ME2: variants seen among roughly 807,000 people sequenced by gnomAD.
ME2 encodes NAD-dependent malic enzyme, mitochondrial.
Under a neutral mutation model 73.7 loss-of-function variants are expected in ME2, and 60 were observed. The ratio of observed to expected loss-of-function variants is 0.81; its 90% CI spans 0.66 to 1.01. The LOEUF (loss-of-function observed/expected upper bound fraction) is 1.01. Ranked by LOEUF, ME2 falls within the 50% of genes least tolerant of loss-of-function variation. The probability of loss-of-function intolerance (pLI) is 0.00; values close to 1 mark genes in which losing one functional copy is unlikely to be tolerated. For synonymous variants in ME2, 199 were observed against 236.9 expected (o/e 0.84, Z 1.47); for missense variants, 594 against 705.5 (o/e 0.84, Z 1.79).
rs1476906821 is a variant in ME2 at position 50,952,458 on chromosome 18, A to C, written c.*5274A>C. ...TCTCAAAGAGAAAAGTAAATATGGA[A>C]ATATGTTCATAGTTCAGTTGCATAA... On this transcript the variant is annotated 3_prime_UTR_variant, in exon 16 of 16. Coordinates refer to ENST00000321341, the MANE Select transcript of ME2 (RefSeq NM_002396.5). The C allele has an allele frequency of 1.3e-5, 2 of 152,230 alleles. No homozygotes were observed. Among genetic ancestry groups the C allele is most frequent in the Non-Finnish European group, 2.9e-5 (2 of 68,038 alleles). The allele number at this position is 152,230 out of a possible 1,614,324, so 9.4% of individuals were successfully genotyped here.
In ME2 at chr18:50,924,220, A is replaced by G. The variant is rs774235136; in HGVS notation, c.1171+8A>G. The G allele has an allele frequency of 6.4e-7, 1 of 1,556,598 alleles. No individual in the cohort carries two copies. On this transcript the variant is annotated splice_region_variant and intron_variant, in intron 11 of 15. Coordinates refer to ENST00000321341, the MANE Select transcript of ME2 (RefSeq NM_002396.5). ...AGCCTTCAACTATAATTGGTAGGTA[A>G]AGTTTTTCTGATAAATAATTTTACT...
chr18:50,928,220 T>C (rs1917608845), intron 12 of ME2, among the ~76,000 whole-genome samples: 1 of 151,866 alleles, frequency 6.6e-6, no homozygotes, highest in African/African-American at 2.4e-5. Flanking sequence ...TTATCAGGTT[T>C]GTTTGTAAGG....
chr18:50,947,362 A>G lies in ME2; in HGVS notation c.*178A>G, dbSNP rs1165188054. ...TGGGGTAGACGTGTTGATTGATTGC[A>G]TTGCCCACCAGCACCCTACAGTCAG... On this transcript the variant is annotated 3_prime_UTR_variant, in exon 16 of 16. Transcript: ENST00000321341. 5.0e-6 allele frequency: 3 copies of G among 594,798 alleles called. No individual in the cohort carries two copies. Among genetic ancestry groups the G allele is most frequent in the African/African-American group, 1.9e-5 (1 of 53,738 alleles). 36.8% of individuals were successfully genotyped at this position (594,798 alleles called of 1,614,324 possible). A position where few individuals can be genotyped will look rare whatever the true frequency, so the allele number is the denominator to read the frequency against.
chr18:50,925,937 C>T (rs1397266), intron 12 of ME2, 39 bp downstream of exon 12: 87,276 of 1,425,626 alleles, frequency 0.061, 3,078 homozygotes, highest in Non-Finnish European at 0.072. Flanking sequence ...ATATTATTTT[C>T]CCTCCACTAG....
chr18:50,910,057 T>G (rs1364573676), intron 3 of ME2, among the ~76,000 whole-genome samples: 1 of 151,768 alleles, frequency 6.6e-6, no homozygotes, highest in Non-Finnish European at 1.5e-5. Flanking sequence ...AAGTCATCGC[T>G]CAGATTTAGA....
intron 9 of ME2, 131 bp from the exon 10 acceptor site, chr18:50,920,940 CGAA>C (rs1568169260): frequency 8.7e-6 from 6 of 688,528 alleles, no homozygotes; most frequent in Non-Finnish European, 1.4e-5. Flanking sequence ...GAGAATATCA[CGAA>C]GAATTTTTGT....
chr18:50,928,485 G>A (rs1917617851), intron 12 of ME2, among the ~76,000 whole-genome samples: 1 of 151,868 alleles, frequency 6.6e-6, no homozygotes, highest in African/African-American at 2.4e-5. Context: ...TGATCCGCCC[G>A]CCTCGGCCTC....
At position 50,946,963 on chromosome 18, in the gene ME2, C is replaced by G. The variant is rs199603735; in HGVS notation, c.1588-54C>G. ...TTCCTGTGTTATAATAGTACGTTGT[C>G]TCTCTAATAGGTTAATACTCAGAGC... On this transcript the variant is annotated intron_variant, in intron 15 of 15. Transcript: ENST00000321341. 3,655 of 1,281,580 alleles carry G rather than the reference C, an allele frequency of 2.9e-3. 8 individuals carry two copies. The highest frequency in any genetic ancestry group is 3.5e-3 in the Non-Finnish European group (3,141 of 898,848). 79.4% of individuals were successfully genotyped at this position (1,281,580 alleles called of 1,614,324 possible).
chr18:50,924,198 C>A lies in ME2; in HGVS notation c.1157C>A (p.Pro386His). The A allele has an allele frequency of 6.2e-7, 1 of 1,604,678 alleles. No homozygotes were observed. The highest frequency in any genetic ancestry group is 1.1e-5 in the South Asian group (1 of 89,200). ...GAAGATGCAGTGAATATACTGAAGC[C>A]TTCAACTATAATTGGTAGGTAAAGT... ...TFEDAVNILK[P>H]STIIGVAGAG... Residue 386 changes from proline (P) to histidine (H), a missense_variant, in exon 11 of 16, where the codon CCT becomes CAT. Pro to His is a moderately conservative substitution (Grantham distance 77). Transcript: ENST00000321341.
At position 50,894,289 on chromosome 18, in the gene ME2, C is replaced by T. The variant is rs117695945; in HGVS notation, c.-12-1520C>T. Among the ~76,000 whole-genome samples, 314 of 151,848 alleles carry T rather than the reference C, an allele frequency of 2.1e-3. 7 individuals carry two copies. The East Asian group carries it at 0.053, about 26-fold the overall frequency. On this transcript the variant is annotated intron_variant, in intron 1 of 15. Coordinates refer to ENST00000321341, the MANE Select transcript of ME2 (RefSeq NM_002396.5). ...TTTAAAACATCCCTTTTTGGCCGGG[C>T]GCGGTGGCCCACGCCTGTAATCTCA... is the stretch of plus-strand genomic sequence containing the variant.
chr18:50,922,564 A>G (rs569496267), intron 10 of ME2, among the ~76,000 whole-genome samples: 68 of 152,314 alleles, frequency 4.5e-4, no homozygotes, highest in African/African-American at 1.6e-3. Flanking sequence ...TCTTTTTGTA[A>G]TGTTGGTTTT....
Position 50,924,198 on chromosome 18 carries a change from C to T in ME2, c.1157C>T (p.Pro386Leu). Reference protein sequence around the residue: ...TFEDAVNILKPSTIIGVAGAG... With the variant: ...TFEDAVNILKLSTIIGVAGAG... Reference sequence around the variant, plus strand: ...GAAGATGCAGTGAATATACTGAAGCCTTCAACTATAATTGGTAGGTAAAGT... The same window carrying T: ...GAAGATGCAGTGAATATACTGAAGCTTTCAACTATAATTGGTAGGTAAAGT... The change falls in exon 11 of 16, where the codon CCT becomes CTT. Residue 386 changes from proline to leucine, a missense_variant. Pro to Leu is a moderately conservative substitution (Grantham distance 98, BLOSUM62 -3). Coordinates refer to ENST00000321341, the MANE Select transcript of ME2 (RefSeq NM_002396.5). 7.5e-6 allele frequency: 12 copies of T among 1,604,678 alleles called. No homozygotes were observed. Among genetic ancestry groups the T allele is most frequent in the Non-Finnish European group, 1.0e-5 (12 of 1,174,876 alleles).
chr18:50,929,099 C>T (rs1201767904), intron 12 of ME2, among the ~76,000 whole-genome samples: 1 of 151,612 alleles, frequency 6.6e-6, no homozygotes, highest in Non-Finnish European at 1.5e-5. Context: ...AAAATCATTG[C>T]CAAAGCAGAA....
At chr18:50,939,348 C>G in intron 13 of ME2, 1 of 430,166 alleles carries the variant, frequency 2.3e-6, no homozygotes, top group East Asian at 3.9e-5. Flanking sequence ...AAAAACTAAA[C>G]TGAGAAAAGC....
At chr18:50,917,756 A>G (rs1287189178) in intron 6 of ME2, among the ~76,000 whole-genome samples, 3 of 152,026 alleles carry the variant, frequency 2.0e-5, no homozygotes, top group Admixed American at 6.6e-5. Flanking sequence ...CAGATCACCA[A>G]AAGTCAGGAG....
rs952117286 is a variant in ME2 at position 50,948,241 on chromosome 18, A to G, written c.*1057A>G. On this transcript the variant is annotated 3_prime_UTR_variant, in exon 16 of 16. Coordinates refer to ENST00000321341, the MANE Select transcript of ME2 (RefSeq NM_002396.5). ...ACCACCAACATTAATTTAGAGCTAA[A>G]TGGGGATGAATAAGGTTGGTGTTCA... 1 of 152,214 alleles carries G rather than the reference A, an allele frequency of 6.6e-6. No homozygotes were observed. The highest frequency in any genetic ancestry group is 1.5e-5 in the Non-Finnish European group (1 of 68,034). 9.4% of individuals were successfully genotyped at this position (152,214 alleles called of 1,614,324 possible).
At chr18:50,881,586 G>T (rs1916326508) in intron 1 of ME2, among the ~76,000 whole-genome samples, 1 of 152,202 alleles carries the variant, frequency 6.6e-6, no homozygotes, top group South Asian at 2.1e-4. Context: ...TGTTTAGGAT[G>T]ACATTTGATG....
In ME2 at chr18:50,908,186, C is replaced by T; in HGVS notation, c.232C>T (p.Pro78Ser). ...FHRNLKKMTS[P>S]LEKYIYIMGI... ...TAGAAACTTGAAGAAAATGACTAGC[C>T]CTTTGGAAAAGTAAGAGTTGCTTAG... is the stretch of plus-strand genomic sequence containing the variant. Residue 78 changes from proline (P) to serine (S), a missense_variant, in exon 3 of 16, where the codon CCT (proline) becomes TCT (serine). Transcript: ENST00000321341. 3.8e-6 allele frequency: 6 copies of T among 1,585,872 alleles called. No individual in the cohort carries two copies. The highest frequency in any genetic ancestry group is 4.3e-6 in the Non-Finnish European group (5 of 1,170,564).
At chr18:50,912,133 A>C (rs751420336) in intron 3 of ME2, among the ~76,000 whole-genome samples, 1 of 152,218 alleles carries the variant, frequency 6.6e-6, no homozygotes, top group Non-Finnish European at 1.5e-5. Flanking sequence ...AGCAGAAGAA[A>C]CAAGGTCAGG....
Sources: gnomAD v4.1 joint callset for allele counts (sites outside exome capture counted in the v4.1 genomes callset) on GRCh38, gnomAD v4.1.1 for gene constraint, MANE v1.5 for transcripts, NCBI Gene and HGNC (gene_info 2026-07-23, HGNC 2026-07-21) for gene names.